Variants in TCF12 observed in about 807,000 individuals in gnomAD.
TCF12 encodes DNA-binding protein HTF4.
In TCF12, 45 loss-of-function variants were observed where a neutral mutation model predicts 86.0. The ratio of observed to expected loss-of-function variants is 0.52; its 90% CI spans 0.41 to 0.67. TCF12 has a LOEUF of 0.67. Ranked by LOEUF, TCF12 falls within the 30% of genes least tolerant of loss-of-function variation. The pLI is 0.00. For synonymous variants in TCF12, 330 were observed against 299.6 expected (o/e 1.10, Z -1.05); for missense variants, 881 against 859.9 (o/e 1.02, Z -0.31).
intron 5 of TCF12, among the ~76,000 whole-genome samples, chr15:57,099,439 T>C (rs1596521062): frequency 6.6e-6 from 1 of 152,132 alleles, no homozygotes; most frequent in African/African-American, 2.4e-5. Flanking sequence ...GGAAAAAATA[T>C]ATTTCATTTG....
intron 5 of TCF12, among the ~76,000 whole-genome samples, chr15:57,123,750 G>T (rs2051407087): frequency 6.6e-6 from 1 of 151,714 alleles, no homozygotes; most frequent in Non-Finnish European, 1.5e-5. Flanking sequence ...AGGAGATCGA[G>T]ACCATCCTGG....
chr15:57,213,080 T>C (rs1357185120), intron 8 of TCF12, among the ~76,000 whole-genome samples: 1 of 152,216 alleles, frequency 6.6e-6, no homozygotes, highest in African/African-American at 2.4e-5. Context: ...TAGGGACACT[T>C]GTCATTGTTA....
intron 8 of TCF12, among the ~76,000 whole-genome samples, chr15:57,201,179 G>A (rs72733904): frequency 0.03 from 4,574 of 152,078 alleles, 104 homozygotes; most frequent in South Asian, 0.06. Flanking sequence ...AGCAACAGTA[G>A]AATAATGCTT....
intron 8 of TCF12, among the ~76,000 whole-genome samples, chr15:57,208,280 C>T (rs1597326612): frequency 6.6e-6 from 1 of 151,944 alleles, no homozygotes; most frequent in Non-Finnish European, 1.5e-5. Context: ...GATCCACCCG[C>T]CTCAGCCTCC....
Position 57,265,836 on chromosome 15 carries a change from CAA to C in TCF12, c.1745+2564_1745+2565del, listed in dbSNP as rs545557194. Among the ~76,000 whole-genome samples, 263 of 152,190 alleles carry C rather than the reference CAA, an allele frequency of 1.7e-3. 1 individual carries two copies. Among genetic ancestry groups the C allele is most frequent in the African/African-American group, 5.9e-3 (245 of 41,542 alleles). ...GCACAGTAGGTTTGTTTATAACAAA[CAA>C]AGAGTTAACGTGACTAATGTGTTGT... On this transcript the variant is annotated intron_variant, in intron 18 of 20. Transcript: ENST00000333725.
At chr15:57,161,552 C>A (rs1222599710) in intron 5 of TCF12, among the ~76,000 whole-genome samples, 1 of 152,100 alleles carries the variant, frequency 6.6e-6, no homozygotes, top group East Asian at 1.9e-4. Context: ...ATATATATGT[C>A]TTATTCTTGT....
chr15:57,177,385 A>T (rs984953042), intron 6 of TCF12, among the ~76,000 whole-genome samples: 5 of 148,524 alleles, frequency 3.4e-5, no homozygotes, highest in Non-Finnish European at 7.4e-5. Context: ...TTCTTCTGCC[A>T]CAGCCTCCTG....
intron 8 of TCF12, among the ~76,000 whole-genome samples, chr15:57,206,582 C>CTTTTTTTTT (rs67531540): frequency 5.0e-4 from 42 of 83,832 alleles, no homozygotes; most frequent in Non-Finnish European, 7.4e-4. Context: ...CTTGTATTCT[C>CTTTTTTTTT]TTTTTTTTTT....
At chr15:57,236,492 C>T (rs182852308) in intron 12 of TCF12, among the ~76,000 whole-genome samples, 102 of 152,172 alleles carry the variant, frequency 6.7e-4, no homozygotes, top group South Asian at 4.2e-4. Context: ...TAGAATGTGA[C>T]GCTTTTAATA....
chr15:57,141,469 C>T (rs1224654593), intron 5 of TCF12, among the ~76,000 whole-genome samples: 3 of 152,178 alleles, frequency 2.0e-5, no homozygotes, highest in African/African-American at 7.2e-5. Flanking sequence ...CCTGCCTCAG[C>T]CTCCCGAGTA....
At position 57,262,116 on chromosome 15, in the gene TCF12, C is replaced by T; in HGVS notation, c.1490C>T (p.Ser497Phe). Residue 497 changes from serine (S) to phenylalanine (F), a missense_variant, in exon 17 of 21, where the codon TCT becomes TTT. Physicochemically the swap from Ser to Phe is radical, Grantham distance 155. Transcript: ENST00000333725. ...TAGGTTGGAACTCATCGGGAAGACT[C>T]TGTCAGTCTCAATGGCAATCATTCA... The part of the protein sequence containing the change: ...ASMVGTHRED[S>F]VSLNGNHSVL... The T allele has an allele frequency of 6.2e-7, 1 of 1,613,200 alleles. No homozygotes were observed. The highest frequency in any genetic ancestry group is 8.5e-7 in the Non-Finnish European group (1 of 1,179,474).
intron 4 of TCF12, among the ~76,000 whole-genome samples, chr15:57,087,298 G>A (rs2048709999): frequency 1.3e-5 from 2 of 151,514 alleles, no homozygotes; most frequent in Admixed American, 6.6e-5. Context: ...TGTAGTCCCA[G>A]TTACTCAGGA....
At chr15:57,160,679 T>G (rs1409188301) in intron 5 of TCF12, among the ~76,000 whole-genome samples, 1 of 151,522 alleles carries the variant, frequency 6.6e-6, no homozygotes, top group Non-Finnish European at 1.5e-5. Context: ...CTTGTGGGGG[T>G]TTTTTTGTTT....
In TCF12 at chr15:57,061,956, G is replaced by GT. The variant is rs537849691; in HGVS notation, c.149-1784dup. 1.5e-3 allele frequency among the ~76,000 whole-genome samples: 228 copies of GT among 147,380 alleles called. 1 individual carries two copies. The highest frequency in any genetic ancestry group is 0.013 in the South Asian group (58 of 4,594). On this transcript the variant is annotated intron_variant, in intron 3 of 20. Coordinates refer to ENST00000333725, the MANE Select transcript of TCF12 (RefSeq NM_207037.2). ...ATGATACTGGAGAGATGGTAACAGTGTTTTTTTTTTGTTTTTTTGAGATGG... is the reference window on the plus strand; with the variant it reads ...ATGATACTGGAGAGATGGTAACAGTGTTTTTTTTTTTGTTTTTTTGAGATGG...
rs1423771348 is a variant in TCF12, at chr15:57,081,351, C to G, written c.223-10438C>G. On this transcript the variant is annotated intron_variant, in intron 4 of 20. Transcript: ENST00000333725. ...GACAGCCTGGATTCAAATCCCCATC[C>G]TACTATTTACTGTTAGACTTTGGGT... is the stretch of plus-strand genomic sequence containing the variant. Among the ~76,000 whole-genome samples, 3 of 152,240 alleles carry G rather than the reference C, an allele frequency of 2.0e-5. No homozygotes were observed. In the East Asian group the frequency reaches 5.8e-4, roughly 29 times the overall value.
intron 18 of TCF12, among the ~76,000 whole-genome samples, chr15:57,267,707 C>T (rs1313223048): frequency 1.3e-5 from 2 of 152,100 alleles, no homozygotes; most frequent in Non-Finnish European, 2.9e-5. Flanking sequence ...TTTGCTGACC[C>T]ATATTATAGG....
At chr15:57,092,183 G>A (rs2049033512) in intron 5 of TCF12, among the ~76,000 whole-genome samples, 2 of 152,170 alleles carry the variant, frequency 1.3e-5, no homozygotes, top group South Asian at 4.1e-4. Flanking sequence ...TTCTGGGGCA[G>A]AGAAGTATTG....
rs71113040 is a variant in TCF12, at chr15:56,950,745, G to GT, written c.148+29675dup. Reference sequence around the variant, plus strand: ...TTACAAATAAAGCTATTATGACCATGTTTTTTTTTTTTTTTTTTTTTTTTT... The same window carrying GT: ...TTACAAATAAAGCTATTATGACCATGTTTTTTTTTTTTTTTTTTTTTTTTTT... On this transcript the variant is annotated intron_variant, in intron 3 of 20. Coordinates refer to ENST00000333725, the MANE Select transcript of TCF12 (RefSeq NM_207037.2). Among the ~76,000 whole-genome samples the GT allele has an allele frequency of 2.4e-3, 205 of 85,702 alleles. 19 individuals carry two copies. Among genetic ancestry groups the GT allele is most frequent in the Non-Finnish European group, 2.9e-3 (139 of 48,300 alleles). 56.2% of individuals were successfully genotyped at this position (85,702 alleles called of 152,430 possible). A position where few individuals can be genotyped will look rare whatever the true frequency, so the allele number is the denominator to read the frequency against.
chr15:57,149,291 A>G (rs2015270304), intron 5 of TCF12, among the ~76,000 whole-genome samples: 1 of 152,088 alleles, frequency 6.6e-6, no homozygotes, highest in Non-Finnish European at 1.5e-5. Flanking sequence ...GCCAGGAATT[A>G]AAGACCTACA....
Sources: allele counts gnomAD v4.1 joint callset (sites outside exome capture counted in the v4.1 genomes callset), GRCh38; gene constraint gnomAD v4.1.1; transcripts MANE v1.5; gene names NCBI Gene and HGNC (gene_info 2026-07-23, HGNC 2026-07-21).